Variants in GLG1 observed in about 807,000 individuals in gnomAD.
GLG1 encodes the protein golgi glycoprotein 1, also known as Golgi apparatus protein 1.
A neutral mutation model predicts 160.5 loss-of-function variants in GLG1; 38 were observed. The observed-to-expected ratio is 0.24, with a 90% CI of 0.18 to 0.31. GLG1 has a LOEUF of 0.31. Ranked by LOEUF, GLG1 falls within the 10% of genes least tolerant of loss-of-function variation. The pLI, the probability that GLG1 is intolerant of heterozygous loss-of-function variation, is 1.00. For missense variants in GLG1, 1,373 were observed against 1,505.2 expected, an observed-to-expected ratio of 0.91 and a Z score of 1.45; for synonymous variants, 644 against 543.4, an observed-to-expected ratio of 1.19 and a Z score of -2.57.
intron 1 of GLG1, among the ~76,000 whole-genome samples, chr16:74,537,201 A>G (rs1162483965): frequency 6.6e-6 from 1 of 152,194 alleles, no homozygotes; most frequent in African/African-American, 2.4e-5. Flanking sequence ...GCACATCCCC[A>G]TCCCAATGCA....
chr16:74,481,365 A>G (rs2015592492), intron 10 of GLG1, among the ~76,000 whole-genome samples: 1 of 152,192 alleles, frequency 6.6e-6, no homozygotes. Flanking sequence ...TGTCCATATT[A>G]TATTGTCAAC....
At chr16:74,465,168 G>A (rs970256512) in intron 19 of GLG1, among the ~76,000 whole-genome samples, 2 of 152,176 alleles carry the variant, frequency 1.3e-5, no homozygotes, top group Non-Finnish European at 2.9e-5. Flanking sequence ...TGTGTGGCGA[G>A]ATCAGGGAAC....
At position 74,471,295 on chromosome 16, in the gene GLG1, G is replaced by A. The variant is rs769961674; in HGVS notation, c.2116-9C>T. On this transcript the variant is annotated splice_polypyrimidine_tract_variant and intron_variant, in intron 14 of 25. Coordinates refer to ENST00000422840, the MANE Select transcript of GLG1 (RefSeq NM_001145667.2). ...TGGTTATCTGCCACATCCTGGGGAA[G>A]ACAGCATGCATTTACACTTCATTGG... 10 of 1,424,160 alleles carry A rather than the reference G, an allele frequency of 7.0e-6. No individual in the cohort carries two copies. The highest frequency in any genetic ancestry group is 9.9e-6 in the Non-Finnish European group (10 of 1,006,858). The allele number at this position is 1,424,160 out of a possible 1,614,324, so 88.2% of individuals were successfully genotyped here.
Position 74,452,761 on chromosome 16 carries a change from A to G in GLG1, c.*406T>C. 1 of 991,826 alleles carries G rather than the reference A, an allele frequency of 1.0e-6. No individual in the cohort carries two copies. The highest frequency in any genetic ancestry group is 1.2e-6 in the Non-Finnish European group (1 of 833,626). 61.4% of individuals were successfully genotyped at this position (991,826 alleles called of 1,614,324 possible). ...AGACATAACCCCATTGCCCAAATCA[A>G]GCCTGGAGGAGATGCGTTACTATAT... On this transcript the variant is annotated 3_prime_UTR_variant, in exon 26 of 26. Transcript: ENST00000422840.
intron 19 of GLG1, 24 bp downstream of exon 19, chr16:74,465,652 C>G (rs886628479): frequency 6.2e-7 from 1 of 1,610,108 alleles, no homozygotes. Flanking sequence ...CATCCGTGCT[C>G]GGCCTTTGGT....
At chr16:74,500,541 T>C (rs1485058923) in intron 4 of GLG1, among the ~76,000 whole-genome samples, 1 of 152,122 alleles carries the variant, frequency 6.6e-6, no homozygotes, top group Non-Finnish European at 1.5e-5. Context: ...AACTCAGTTT[T>C]TATCTCTGCT....
intron 17 of GLG1, chr16:74,468,126 G>A: frequency 3.9e-6 from 1 of 259,180 alleles, no homozygotes; most frequent in Admixed American, 5.5e-5. Context: ...ACTTTGGAAA[G>A]TCAAAACCAT....
intron 1 of GLG1, among the ~76,000 whole-genome samples, chr16:74,568,244 C>T (rs2018716075): frequency 6.6e-6 from 1 of 152,140 alleles, no homozygotes; most frequent in African/African-American, 2.4e-5. Context: ...TGTGCTAAAC[C>T]TTGTCTTTAC....
chr16:74,512,680 AG>A (rs1313126683), intron 2 of GLG1, among the ~76,000 whole-genome samples: 2 of 151,826 alleles, frequency 1.3e-5, no homozygotes, highest in East Asian at 1.9e-4. Context: ...AGGTGAAGGA[AG>A]GAAAAAAAAA....
At chr16:74,570,794 G>A (rs2018803016) in intron 1 of GLG1, among the ~76,000 whole-genome samples, 1 of 152,168 alleles carries the variant, frequency 6.6e-6, no homozygotes, top group Non-Finnish European at 1.5e-5. Context: ...AGGCTGAAGT[G>A]GGAGAATGGG....
chr16:74,567,235 CAG>C (rs1415252083), intron 1 of GLG1, among the ~76,000 whole-genome samples: 1 of 150,716 alleles, frequency 6.6e-6, no homozygotes, highest in Non-Finnish European at 1.5e-5. Flanking sequence ...GAGAGACAGA[CAG>C]AGAGAGGAGT....
intron 2 of GLG1, among the ~76,000 whole-genome samples, chr16:74,517,762 C>T (rs995253938): frequency 2.6e-5 from 4 of 152,258 alleles, no homozygotes; most frequent in Admixed American, 6.5e-5. Flanking sequence ...GTCAAATTGT[C>T]CCTCTTTGTA....
intron 23 of GLG1, among the ~76,000 whole-genome samples, chr16:74,459,121 C>A (rs8052024): frequency 6.6e-6 from 1 of 152,096 alleles, no homozygotes; most frequent in African/African-American, 2.4e-5. Context: ...TTTTAACAGA[C>A]GAAAAAATGT....
chr16:74,505,257 G>A (rs556057764), intron 3 of GLG1, among the ~76,000 whole-genome samples: 10 of 152,280 alleles, frequency 6.6e-5, no homozygotes, highest in African/African-American at 1.4e-4. Flanking sequence ...TCCAGACCAC[G>A]TAAATAACTC....
At chr16:74,516,680 G>C (rs2016988116) in intron 2 of GLG1, among the ~76,000 whole-genome samples, 1 of 152,120 alleles carries the variant, frequency 6.6e-6, no homozygotes, top group Non-Finnish European at 1.5e-5. Flanking sequence ...TCAAAAGCTA[G>C]CAAAAGACAA....
At chr16:74,577,338 A>G (rs1372452646) in intron 1 of GLG1, among the ~76,000 whole-genome samples, 1 of 152,154 alleles carries the variant, frequency 6.6e-6, no homozygotes, top group Admixed American at 6.5e-5. Context: ...GCTGGTCAAC[A>G]TGGTGAAACC....
chr16:74,527,184 T>C (rs1463562191), intron 2 of GLG1, among the ~76,000 whole-genome samples: 2 of 152,066 alleles, frequency 1.3e-5, no homozygotes, highest in Non-Finnish European at 2.9e-5. Context: ...TGTTGTCATA[T>C]ATTTTATTCT....
chr16:74,472,652 C>T, intron 13 of GLG1: 1 of 1,058,280 alleles, frequency 9.4e-7, no homozygotes, highest in Non-Finnish European at 1.3e-6. Context: ...AATGAGAAGG[C>T]AGAATTAAGA....
chr16:74,498,448 G>GTATATATATATA (rs61033032), intron 4 of GLG1, among the ~76,000 whole-genome samples: 5,154 of 24,030 alleles, frequency 0.21, 1,281 homozygotes, highest in Middle Eastern at 0.5. Context: ...AAAAAAAAAA[G>GTATATATATATA]TATATATATA....
Sources: allele counts gnomAD v4.1 joint callset (sites outside exome capture counted in the v4.1 genomes callset), GRCh38; gene constraint gnomAD v4.1.1; transcripts MANE v1.5; gene names NCBI Gene and HGNC (gene_info 2026-07-23, HGNC 2026-07-21).